The following MEGF11 variants were observed in gnomAD, a reference collection of about 807,000 sequenced individuals.
MEGF11 encodes the protein multiple epidermal growth factor-like domains protein 11.
In MEGF11, 126 loss-of-function variants were observed where a neutral mutation model predicts 146.6. The observed-to-expected ratio is 0.86, with a 90% CI of 0.74 to 1.00. The LOEUF (loss-of-function observed/expected upper bound fraction) is 1.00, where lower values mean the gene tolerates loss of function less well. Ranked by LOEUF, MEGF11 falls within the 50% of genes least tolerant of loss-of-function variation. MEGF11 has a pLI of 0.00. For synonymous variants in MEGF11, 532 were observed against 583.4 expected (o/e 0.91, Z 1.27); for missense variants, 1,509 against 1,521.2 (o/e 0.99, Z 0.13).
intron 10 of MEGF11, among the ~76,000 whole-genome samples, chr15:65,943,728 A>G (rs894917988): frequency 1.3e-5 from 2 of 152,220 alleles, no homozygotes; most frequent in Non-Finnish European, 2.9e-5. Context: ...CAAGCTTAGC[A>G]TCTGCATGTC....
At chr15:66,209,947 G>A (rs2091402846) in intron 1 of MEGF11, among the ~76,000 whole-genome samples, 1 of 151,906 alleles carries the variant, frequency 6.6e-6, no homozygotes, top group Non-Finnish European at 1.5e-5. Context: ...AGCCTTCCAA[G>A]TAGCTAGGAT....
At chr15:66,039,191 G>A (rs988853529) in intron 5 of MEGF11, among the ~76,000 whole-genome samples, 1 of 152,160 alleles carries the variant, frequency 6.6e-6, no homozygotes, top group Non-Finnish European at 1.5e-5. Flanking sequence ...GAAAAACATC[G>A]CCCTTGAGCA....
At chr15:66,112,871 C>T (rs933464756) in intron 4 of MEGF11, among the ~76,000 whole-genome samples, 1 of 152,248 alleles carries the variant, frequency 6.6e-6, no homozygotes, top group Non-Finnish European at 1.5e-5. Context: ...AGCATAGGAG[C>T]ATTGGTAACT....
At chr15:66,241,042 G>T (rs2092198240) in intron 1 of MEGF11, among the ~76,000 whole-genome samples, 2 of 152,096 alleles carry the variant, frequency 1.3e-5, no homozygotes, top group African/African-American at 4.8e-5. Context: ...TCCCTAACAG[G>T]AGTAAGTCAT....
At chr15:66,038,312 T>A (rs1393323094) in intron 5 of MEGF11, among the ~76,000 whole-genome samples, 1 of 152,132 alleles carries the variant, frequency 6.6e-6, no homozygotes, top group Non-Finnish European at 1.5e-5. Flanking sequence ...AGAGCTGGAT[T>A]CTTCTCCTGG....
chr15:66,042,392 G>A (rs1004587537), intron 5 of MEGF11, among the ~76,000 whole-genome samples: 1 of 152,128 alleles, frequency 6.6e-6, no homozygotes, highest in African/African-American at 2.4e-5. Flanking sequence ...TTACAGGCAT[G>A]AGCCACCACA....
At chr15:66,027,467 C>T (rs572076158) in intron 5 of MEGF11, among the ~76,000 whole-genome samples, 102 of 152,204 alleles carry the variant, frequency 6.7e-4, no homozygotes, top group Non-Finnish European at 3.2e-4. Context: ...CACTGTGCAC[C>T]GTAACATTTG....
chr15:65,933,594 G>A (rs1402779153), intron 10 of MEGF11, among the ~76,000 whole-genome samples: 1 of 152,234 alleles, frequency 6.6e-6, no homozygotes, highest in African/African-American at 2.4e-5. Context: ...GTCCTGGGAG[G>A]CCACTGGGCT....
intron 13 of MEGF11, among the ~76,000 whole-genome samples, chr15:65,927,757 C>T (rs891539358): frequency 1.3e-5 from 2 of 152,148 alleles, no homozygotes; most frequent in Admixed American, 1.3e-4. Context: ...GCCCTGGTGG[C>T]TGGAATGTAG....
At chr15:65,991,606 A>T (rs2082046272) in intron 5 of MEGF11, among the ~76,000 whole-genome samples, 1 of 152,228 alleles carries the variant, frequency 6.6e-6, no homozygotes, top group Non-Finnish European at 1.5e-5. Flanking sequence ...AAGTGCCTCC[A>T]GATATTGACA....
intron 20 of MEGF11, 79 bp downstream of exon 20, chr15:65,913,658 C>T: frequency 5.3e-6 from 7 of 1,322,246 alleles, no homozygotes; most frequent in Non-Finnish European, 7.4e-6. Flanking sequence ...CCACAGCAGC[C>T]AACCCTACAG....
At chr15:66,027,647 G>A (rs1272799563) in intron 5 of MEGF11, among the ~76,000 whole-genome samples, 3 of 152,154 alleles carry the variant, frequency 2.0e-5, no homozygotes, top group Non-Finnish European at 2.9e-5. Context: ...CAGATCCTGG[G>A]CCCCTCCCTT....
intron 10 of MEGF11, among the ~76,000 whole-genome samples, chr15:65,955,950 A>G (rs1385178780): frequency 2.7e-5 from 4 of 150,466 alleles, no homozygotes; most frequent in African/African-American, 9.8e-5. Flanking sequence ...GCCACATTTC[A>G]GTTTGAACAA....
chr15:66,145,053 C>G (rs910208835), intron 1 of MEGF11, among the ~76,000 whole-genome samples: 8 of 152,192 alleles, frequency 5.3e-5, no homozygotes, highest in Non-Finnish European at 8.8e-5. Flanking sequence ...CTGTAGAATA[C>G]CTGCCCAAGT....
At chr15:65,934,129 T>C (rs899036350) in intron 10 of MEGF11, among the ~76,000 whole-genome samples, 1 of 152,222 alleles carries the variant, frequency 6.6e-6, no homozygotes, top group Non-Finnish European at 1.5e-5. Flanking sequence ...TGAGGGCCAC[T>C]GTTCCAAACA....
chr15:65,928,060 T>C (rs2079436439), intron 13 of MEGF11, among the ~76,000 whole-genome samples: 1 of 152,124 alleles, frequency 6.6e-6, no homozygotes, highest in African/African-American at 2.4e-5. Flanking sequence ...TCACCTTGTA[T>C]TTAGGAGGCA....
intron 7 of MEGF11, among the ~76,000 whole-genome samples, chr15:65,972,985 C>T (rs1213939172): frequency 1.3e-5 from 2 of 152,114 alleles, no homozygotes; most frequent in African/African-American, 2.4e-5. Context: ...GGCGTGGTGG[C>T]ACATGCCTGT....
chr15:66,107,386 A>G (rs1272445249), intron 4 of MEGF11, among the ~76,000 whole-genome samples: 2 of 152,208 alleles, frequency 1.3e-5, no homozygotes, highest in Non-Finnish European at 2.9e-5. Context: ...ATTGTCCACA[A>G]AAGCCCATTA....
At chr15:66,194,301 C>A (rs2090954287) in intron 1 of MEGF11, among the ~76,000 whole-genome samples, 1 of 152,148 alleles carries the variant, frequency 6.6e-6, no homozygotes, top group Admixed American at 6.5e-5. Flanking sequence ...GCTGTGAGGA[C>A]ACAAAGGCAT....
Sources: allele counts gnomAD v4.1 joint callset (sites outside exome capture counted in the v4.1 genomes callset), GRCh38; gene constraint gnomAD v4.1.1; transcripts MANE v1.5; gene names NCBI Gene and HGNC (gene_info 2026-07-23, HGNC 2026-07-21).